The following CAMKMT variants were observed in gnomAD, a reference collection of about 807,000 sequenced individuals.
CAMKMT encodes the protein CaM KMT.
A neutral mutation model predicts 48.0 loss-of-function variants in CAMKMT; 53 were observed. The observed-to-expected ratio is 1.10, with a 90% CI of 0.89 to 1.39. The LOEUF (loss-of-function observed/expected upper bound fraction) is 1.39. Among genes scored for constraint, CAMKMT ranks in the 40% most tolerant of loss-of-function variants. The probability of loss-of-function intolerance (pLI) is 0.00; values close to 1 mark genes in which losing one functional copy is unlikely to be tolerated. For missense variants in CAMKMT, 428 were observed against 402.7 expected, an observed-to-expected ratio of 1.06 and a Z score of -0.54; for synonymous variants, 165 against 152.3, an observed-to-expected ratio of 1.08 and a Z score of -0.61.
intron 2 of CAMKMT, among the ~76,000 whole-genome samples, chr2:44,382,344 A>G (rs1429702620): frequency 1.3e-5 from 2 of 152,132 alleles, no homozygotes; most frequent in Admixed American, 6.5e-5. Context: ...TTATAGGCCC[A>G]GAGAAGACAA....
chr2:44,703,705 G>A (rs955693729), intron 3 of CAMKMT, among the ~76,000 whole-genome samples: 2 of 149,918 alleles, frequency 1.3e-5, no homozygotes, highest in Non-Finnish European at 3.0e-5. Flanking sequence ...TTGAATCCAG[G>A]AGGCAGACTT....
At chr2:44,394,367 T>A (rs1267598317) in intron 3 of CAMKMT, among the ~76,000 whole-genome samples, 7 of 152,072 alleles carry the variant, frequency 4.6e-5, no homozygotes, top group Non-Finnish European at 8.8e-5. Flanking sequence ...CCCTCTGCCA[T>A]ATATACTTGT....
At chr2:44,752,757 T>C (rs1680205196) in intron 8 of CAMKMT, among the ~76,000 whole-genome samples, 1 of 152,156 alleles carries the variant, frequency 6.6e-6, no homozygotes, top group Non-Finnish European at 1.5e-5. Flanking sequence ...CTGCATCCTC[T>C]GGAGAAGAAG....
chr2:44,640,344 G>A (rs867269258), intron 3 of CAMKMT, among the ~76,000 whole-genome samples: 6 of 152,134 alleles, frequency 3.9e-5, no homozygotes, highest in African/African-American at 9.7e-5. Context: ...TTGAAAGGTC[G>A]CATTTTGAGT....
Position 44,404,108 on chromosome 2 carries a change from G to C in CAMKMT, c.376+13803G>C, listed in dbSNP as rs1682615973. Among the ~76,000 whole-genome samples, 3 of 152,172 alleles carry C rather than the reference G, an allele frequency of 2.0e-5. No individual in the cohort carries two copies. In the South Asian group the frequency reaches 6.2e-4, roughly 31 times the overall value. On this transcript the variant is annotated intron_variant, in intron 3 of 10. Transcript: ENST00000378494. ...GACTGTAAGCTTCCAGAAGGCAGGA[G>C]TGATGTTTTGTTTGTACAGTGCCTG...
intron 3 of CAMKMT, among the ~76,000 whole-genome samples, chr2:44,595,591 G>C (rs1015930510): frequency 6.6e-6 from 1 of 152,164 alleles, no homozygotes; most frequent in Admixed American, 6.5e-5. Flanking sequence ...TATAGATTCA[G>C]TGCTATCCCC....
At chr2:44,370,195 A>G (rs1679015222) in intron 1 of CAMKMT, among the ~76,000 whole-genome samples, 2 of 144,532 alleles carry the variant, frequency 1.4e-5, no homozygotes, top group Admixed American at 6.6e-5. Flanking sequence ...CTCACGTAGT[A>G]GGTATCTATC....
In CAMKMT at chr2:44,438,925, A is replaced by T. The variant is rs917837058; in HGVS notation, c.376+48620A>T. ...GGAAAATGGACACGGCATCCCCTTAACCCCTTGCCTGATCTTGGTTGGTGC... is the reference window on the plus strand; with the variant it reads ...GGAAAATGGACACGGCATCCCCTTATCCCCTTGCCTGATCTTGGTTGGTGC... On this transcript the variant is annotated intron_variant, in intron 3 of 10. Coordinates refer to ENST00000378494, the MANE Select transcript of CAMKMT (RefSeq NM_024766.5). 2.6e-5 allele frequency among the ~76,000 whole-genome samples: 4 copies of T among 151,312 alleles called. No homozygotes were observed. The South Asian group carries it at 6.3e-4, about 24-fold the overall frequency.
chr2:44,445,726 G>A (rs1362567383), intron 3 of CAMKMT, among the ~76,000 whole-genome samples: 5 of 134,274 alleles, frequency 3.7e-5, no homozygotes, highest in African/African-American at 1.1e-4. Flanking sequence ...CTCTCCCCAT[G>A]CAAACTGGTA....
chr2:44,459,521 A>C lies in CAMKMT; in HGVS notation c.376+69216A>C, dbSNP rs187245089. Among the ~76,000 whole-genome samples the C allele has an allele frequency of 3.9e-3, 599 of 152,360 alleles. 2 individuals are homozygous for C. Among genetic ancestry groups the C allele is most frequent in the Middle Eastern group, 0.017 (5 of 294 alleles). ...TTTTAAAAGAGAAAGGTATTTAAGC[A>C]GCAAAGATGTAACTGTTATGAAATT... is the stretch of plus-strand genomic sequence containing the variant. On this transcript the variant is annotated intron_variant, in intron 3 of 10. Transcript: ENST00000378494.
chr2:44,692,868 A>G (rs1237046616), intron 3 of CAMKMT, among the ~76,000 whole-genome samples: 4 of 152,198 alleles, frequency 2.6e-5, no homozygotes, highest in Non-Finnish European at 5.9e-5. Flanking sequence ...ATCAGACCCC[A>G]GATCCCTAGG....
intron 3 of CAMKMT, among the ~76,000 whole-genome samples, chr2:44,693,290 AG>A (rs1279066976): frequency 6.6e-6 from 1 of 152,174 alleles, no homozygotes; most frequent in Non-Finnish European, 1.5e-5. Flanking sequence ...ATTTATTCTC[AG>A]GTGTGACTTA....
intron 3 of CAMKMT, among the ~76,000 whole-genome samples, chr2:44,465,834 G>A (rs1454294746): frequency 6.6e-6 from 1 of 152,080 alleles, no homozygotes; most frequent in African/African-American, 2.4e-5. Flanking sequence ...GAAAGTGAAA[G>A]GATGGAAAAA....
chr2:44,395,770 A>G (rs1681777658), intron 3 of CAMKMT, among the ~76,000 whole-genome samples: 1 of 152,132 alleles, frequency 6.6e-6, no homozygotes, highest in Non-Finnish European at 1.5e-5. Context: ...CATCTGCCTC[A>G]TTCTTGAATT....
intron 3 of CAMKMT, among the ~76,000 whole-genome samples, chr2:44,624,294 GT>G (rs991954059): frequency 6.6e-6 from 1 of 151,448 alleles, no homozygotes; most frequent in Non-Finnish European, 1.5e-5. Context: ...GAATGGCTGG[GT>G]TTTTTTTCTT....
chr2:44,675,941 T>C (rs1315210669), intron 3 of CAMKMT, among the ~76,000 whole-genome samples: 1 of 152,236 alleles, frequency 6.6e-6, no homozygotes, highest in Admixed American at 6.5e-5. Flanking sequence ...TTTTTGTGGC[T>C]AGCTTGTTTT....
intron 3 of CAMKMT, among the ~76,000 whole-genome samples, chr2:44,661,441 T>C (rs1674675696): frequency 6.6e-6 from 1 of 151,474 alleles, no homozygotes. Context: ...TCAGCCTCCT[T>C]AGCAGCTGGG....
intron 3 of CAMKMT, among the ~76,000 whole-genome samples, chr2:44,623,873 T>C (rs1346687589): frequency 6.6e-6 from 1 of 152,228 alleles, no homozygotes; most frequent in African/African-American, 2.4e-5. Context: ...TAGAATTATA[T>C]ATAAATGGAA....
intron 3 of CAMKMT, among the ~76,000 whole-genome samples, chr2:44,416,631 TG>T (rs1190787462): frequency 2.8e-5 from 4 of 141,266 alleles, no homozygotes; most frequent in Non-Finnish European, 6.0e-5. Flanking sequence ...TGGAGTGCAA[TG>T]GTGTGATCTT....
Sources: gnomAD v4.1 joint callset for allele counts (sites outside exome capture counted in the v4.1 genomes callset) on GRCh38, gnomAD v4.1.1 for gene constraint, MANE v1.5 for transcripts, NCBI Gene and HGNC (gene_info 2026-07-23, HGNC 2026-07-21) for gene names.